CFH: variants seen among roughly 807,000 people sequenced by gnomAD.
CFH encodes complement factor H.
CFH carries 53 observed loss-of-function variants against 147.3 expected under a neutral mutation model. The ratio of observed to expected loss-of-function variants is 0.36; its 90% confidence interval spans 0.29 to 0.45. The LOEUF is 0.45. Among genes scored for constraint, CFH ranks in the 20% least tolerant of loss-of-function variants. The pLI is 1.00. For synonymous variants in CFH, 536 were observed against 489.4 expected (o/e 1.10, Z -1.26); for missense variants, 1,380 against 1,498.0 (o/e 0.92, Z 1.30).
intron 8 of CFH, among the ~76,000 whole-genome samples, 174 bp from the exon 9 acceptor site, chr1:196,689,889 A>G (rs1034761278): frequency 1.2e-4 from 19 of 152,032 alleles, no homozygotes; most frequent in African/African-American, 4.6e-4. Flanking sequence ...GAATATTGAT[A>G]TTTCTTTTTG....
chr1:196,697,451 A>G (rs1307124979), intron 9 of CFH, among the ~76,000 whole-genome samples: 1 of 152,224 alleles, frequency 6.6e-6, no homozygotes, highest in Non-Finnish European at 1.5e-5. Context: ...CAAAACCACA[A>G]TGAGATACCA....
intron 1 of CFH, among the ~76,000 whole-genome samples, chr1:196,654,696 T>C (rs1013119241): frequency 3.3e-5 from 5 of 152,126 alleles, no homozygotes; most frequent in African/African-American, 4.8e-5. Flanking sequence ...AAAACTCTAC[T>C]GAAACATGTT....
intron 6 of CFH, among the ~76,000 whole-genome samples, chr1:196,682,638 A>G (rs1231392429): frequency 6.6e-6 from 1 of 151,592 alleles, no homozygotes; most frequent in Non-Finnish European, 1.5e-5. Context: ...TAATGGGTAT[A>G]TGAAAATATG....
rs766324414 is a variant in CFH at position 196,652,138 on chromosome 1, T to C, written c.21T>C (p.Ile7=). Residue 7 remains isoleucine (I), a synonymous_variant, in exon 1 of 22, where the codon ATT becomes ATC. Transcript: ENST00000367429. The part of the protein sequence containing the change: MRLLAK[I]ICLMLWAICV... ...AAAAAATGAGACTTCTAGCAAAGAT[T>C]ATTTGCCTTATGTTATGGGCTATTT... 6 of 1,612,276 alleles carry C rather than the reference T, an allele frequency of 3.7e-6. No individual in the cohort carries two copies. The highest frequency in any genetic ancestry group is 1.7e-5 in the Admixed American group (1 of 60,004).
chr1:196,728,969 C>T (rs941151732), intron 15 of CFH, among the ~76,000 whole-genome samples: 4 of 151,978 alleles, frequency 2.6e-5, no homozygotes, highest in African/African-American at 4.8e-5. Flanking sequence ...TATTCATCTA[C>T]CTGTTCATCT....
intron 11 of CFH, among the ~76,000 whole-genome samples, chr1:196,716,008 C>G (rs1036333358): frequency 1.3e-5 from 2 of 151,972 alleles, no homozygotes; most frequent in Admixed American, 1.3e-4. Flanking sequence ...AATATAATTG[C>G]TTTTGTTACC....
chr1:196,685,536 C>A (rs1358428240), intron 7 of CFH, among the ~76,000 whole-genome samples: 2 of 151,936 alleles, frequency 1.3e-5, no homozygotes, highest in Non-Finnish European at 2.9e-5. Context: ...TTATTTATTG[C>A]ATTGTAACAA....
intron 9 of CFH, among the ~76,000 whole-genome samples, chr1:196,704,284 A>G (rs886362093): frequency 3.3e-5 from 5 of 152,066 alleles, no homozygotes; most frequent in African/African-American, 1.2e-4. Context: ...TAGTAGAGAC[A>G]GGGTTTCACC....
intron 10 of CFH, among the ~76,000 whole-genome samples, chr1:196,714,480 A>G (rs1159499705): frequency 1.3e-5 from 2 of 150,338 alleles, no homozygotes; most frequent in African/African-American, 2.4e-5. Context: ...TGATTTCCCT[A>G]CCACACTATC....
chr1:196,691,185 T>C lies in CFH; in HGVS notation c.1336+946T>C, dbSNP rs554415420. ...AATATGTACATTGGAATCAATCATT[T>C]GACTCAAAATAATTATACAATTATA... On this transcript the variant is annotated intron_variant, in intron 9 of 21. Transcript: ENST00000367429. Among the ~76,000 whole-genome samples, 4 of 152,250 alleles carry C rather than the reference T, an allele frequency of 2.6e-5. No homozygotes were observed. In the South Asian group the frequency reaches 6.2e-4, roughly 24 times the overall value.
rs148710561 is a variant in CFH at position 196,681,687 on chromosome 1, G to A, written c.790+1894G>A. 9.9e-5 allele frequency among the ~76,000 whole-genome samples: 15 copies of A among 151,758 alleles called. 1 individual carries two copies. In the South Asian group the frequency reaches 1.7e-3, roughly 17 times the overall value. On this transcript the variant is annotated intron_variant, in intron 6 of 21. Coordinates refer to ENST00000367429, the MANE Select transcript of CFH (RefSeq NM_000186.4). ...TTCAGAAGACAGTTCACTAATAATCGATATAAATAAAGGAGGATTTATCCC... is the reference window on the plus strand; with the variant it reads ...TTCAGAAGACAGTTCACTAATAATCAATATAAATAAAGGAGGATTTATCCC...
In CFH at chr1:196,662,481, A is replaced by G. The variant is rs573348738; in HGVS notation, c.58+10306A>G. Reference sequence around the variant, plus strand: ...ACATTTACCATTTTCTTTGTTTTTCATTTCTTCTTTCATCCTAAGACCTTA... The same window carrying G: ...ACATTTACCATTTTCTTTGTTTTTCGTTTCTTCTTTCATCCTAAGACCTTA... On this transcript the variant is annotated intron_variant, in intron 1 of 21. Transcript: ENST00000367429. Among the ~76,000 whole-genome samples, 3 of 151,798 alleles carry G rather than the reference A, an allele frequency of 2.0e-5. No individual in the cohort carries two copies. The East Asian group carries it at 5.8e-4, about 29-fold the overall frequency.
chr1:196,717,239 G>T (rs560895564), intron 11 of CFH, among the ~76,000 whole-genome samples: 2 of 152,062 alleles, frequency 1.3e-5, no homozygotes, highest in Admixed American at 6.6e-5. Flanking sequence ...GGCCAACACA[G>T]CAAGTCTATT....
At chr1:196,746,075 C>A (rs573410327) in intron 21 of CFH, 76 bp downstream of exon 21, 49 of 1,605,612 alleles carry the variant, frequency 3.1e-5, no homozygotes, top group East Asian at 4.5e-5. Context: ...TAACAAAATA[C>A]TCACAGATTA....
chr1:196,656,967 GTTGT>G (rs369497669), intron 1 of CFH, among the ~76,000 whole-genome samples: 42 of 151,712 alleles, frequency 2.8e-4, no homozygotes, highest in Middle Eastern at 3.4e-3. Context: ...TCACTGTTAA[GTTGT>G]TTGTTTGTTT....
At chr1:196,658,127 T>A (rs1043773062) in intron 1 of CFH, among the ~76,000 whole-genome samples, 2 of 152,126 alleles carry the variant, frequency 1.3e-5, no homozygotes, top group Non-Finnish European at 2.9e-5. Context: ...TTTTTAGCTT[T>A]GACCAAAATT....
intron 9 of CFH, among the ~76,000 whole-genome samples, chr1:196,697,336 G>T (rs1369753875): frequency 2.0e-5 from 3 of 152,182 alleles, no homozygotes; most frequent in African/African-American, 7.2e-5. Flanking sequence ...CCATCAAAAA[G>T]TGGGTGAAGG....
chr1:196,670,794 C>A (rs1054383820), intron 1 of CFH, among the ~76,000 whole-genome samples: 6 of 152,112 alleles, frequency 3.9e-5, no homozygotes, highest in Admixed American at 6.5e-5. Context: ...TGGTATACAG[C>A]ATTTTGGGGG....
intron 1 of CFH, among the ~76,000 whole-genome samples, chr1:196,662,502 C>A (rs1428027846): frequency 2.0e-5 from 3 of 151,984 alleles, no homozygotes; most frequent in Non-Finnish European, 1.5e-5. Flanking sequence ...CATCCTAAGA[C>A]CTTATATTTA....
Sources: allele counts gnomAD v4.1 joint callset (sites outside exome capture counted in the v4.1 genomes callset), GRCh38; gene constraint gnomAD v4.1.1; transcripts MANE v1.5; gene names NCBI Gene and HGNC (gene_info 2026-07-23, HGNC 2026-07-21).